The following ME1 variants were observed in gnomAD, a reference collection of about 807,000 sequenced individuals.
ME1 encodes the protein NADP-dependent malic enzyme.
In ME1, 74 loss-of-function variants were observed where a neutral mutation model predicts 66.4. The observed-to-expected ratio is 1.11, with a 90% CI of 0.92 to 1.35. The LOEUF (loss-of-function observed/expected upper bound fraction) is 1.35, where lower values mean the gene tolerates loss of function less well. ME1 is among the 40% of genes most tolerant of loss of function. ME1 has a pLI of 0.00. For missense variants in ME1, 750 were observed against 694.1 expected (o/e 1.08, Z -0.90); for synonymous variants, 251 against 235.6 (o/e 1.07, Z -0.60).
intron 3 of ME1, among the ~76,000 whole-genome samples, chr6:83,352,764 T>C (rs1261335350): frequency 3.3e-5 from 5 of 152,192 alleles, no homozygotes; most frequent in South Asian, 2.1e-4. Flanking sequence ...ACTTCACAAA[T>C]TAAAATAATA....
chr6:83,273,034 G>A (rs375012646), intron 6 of ME1, among the ~76,000 whole-genome samples: 31 of 151,772 alleles, frequency 2.0e-4, no homozygotes, highest in South Asian at 6.3e-4. Context: ...AAAATTAGCC[G>A]GGCATGGTGG....
At chr6:83,255,068 T>C (rs938903558) in intron 6 of ME1, among the ~76,000 whole-genome samples, 5 of 152,158 alleles carry the variant, frequency 3.3e-5, no homozygotes, top group Non-Finnish European at 7.4e-5. Flanking sequence ...CCTTCAATTA[T>C]GTTAATTTAT....
intron 5 of ME1, among the ~76,000 whole-genome samples, chr6:83,334,117 C>T (rs1042378542): frequency 6.6e-5 from 10 of 152,036 alleles, no homozygotes; most frequent in East Asian, 1.9e-4. Flanking sequence ...GTGCACCGTG[C>T]GCGAGCCGAA....
At position 83,210,778 on chromosome 6, in the gene ME1, T is replaced by G. The variant is rs1789857651; in HGVS notation, c.*1146A>C. 6.6e-6 allele frequency: 1 copy of G among 152,240 alleles called. No individual in the cohort carries two copies. The highest frequency in any genetic ancestry group is 2.1e-4 in the South Asian group (1 of 4,834). The allele number at this position is 152,240 out of a possible 1,614,324, so 9.4% of individuals were successfully genotyped here. On this transcript the variant is annotated 3_prime_UTR_variant, in exon 14 of 14. Coordinates refer to ENST00000369705, the MANE Select transcript of ME1 (RefSeq NM_002395.6). ...ACCTTAGCTTTATAATTTAAAATTT[T>G]TTCCATTACTTCAAACATTAGTTTC... is the stretch of plus-strand genomic sequence containing the variant.
intron 9 of ME1, among the ~76,000 whole-genome samples, chr6:83,229,996 AT>A (rs973504285): frequency 1.3e-4 from 20 of 148,170 alleles, no homozygotes; most frequent in African/African-American, 2.0e-4. Flanking sequence ...CTAATTTATC[AT>A]TTTTTTTTAG....
At chr6:83,247,445 T>G (rs114171793) in intron 7 of ME1, among the ~76,000 whole-genome samples, 6 of 152,106 alleles carry the variant, frequency 3.9e-5, no homozygotes, top group African/African-American at 1.2e-4. Flanking sequence ...AAGGTTATTT[T>G]AGATAACTAA....
intron 5 of ME1, among the ~76,000 whole-genome samples, chr6:83,334,102 T>G (rs868387437): frequency 6.0e-4 from 92 of 152,236 alleles, no homozygotes; most frequent in African/African-American, 2.0e-3. Context: ...CAGGCCAGTG[T>G]GTGCGTGCAC....
At chr6:83,424,339 C>T (rs1200214637) in intron 1 of ME1, among the ~76,000 whole-genome samples, 1 of 151,778 alleles carries the variant, frequency 6.6e-6, no homozygotes, top group African/African-American at 2.4e-5. Flanking sequence ...GTACTAAAAA[C>T]AAGCTATACA....
At chr6:83,390,796 TG>T (rs1769605627) in intron 3 of ME1, among the ~76,000 whole-genome samples, 1 of 152,066 alleles carries the variant, frequency 6.6e-6, no homozygotes, top group Non-Finnish European at 1.5e-5. Flanking sequence ...GTAAGCATTT[TG>T]CCACAAATGC....
rs1790758453 is a variant in ME1, at chr6:83,253,609, T to C, written c.814+20A>G. The C allele has an allele frequency of 8.4e-7, 1 of 1,189,790 alleles. No homozygotes were observed. Among genetic ancestry groups the C allele is most frequent in the Non-Finnish European group, 1.3e-6 (1 of 796,162 alleles). 73.7% of individuals were successfully genotyped at this position (1,189,790 alleles called of 1,614,324 possible). A position where few individuals can be genotyped will look rare whatever the true frequency, so the allele number is the denominator to read the frequency against. ...ATTTCAGACATGTTATTGATCCATA[T>C]GCAGTGAAAATTTTGTTACCTTGAA... On this transcript the variant is annotated intron_variant, in intron 7 of 13. Coordinates refer to ENST00000369705, the MANE Select transcript of ME1 (RefSeq NM_002395.6).
Position 83,237,791 on chromosome 6 carries a change from C to T in ME1, c.952G>A (p.Glu318Lys), listed in dbSNP as rs1217675722. The change falls in exon 9 of 14, where the codon GAA (glutamate) becomes AAA (lysine). Residue 318 changes from glutamate (E) to lysine (K), a missense_variant. Transcript: ENST00000369705. ...GIAHLIVMAL[E>K]KEGLPKEKAI... ...TTCTCTTTTGGTAAACCTTCTTTTT[C>T]CAAGGCCATCACAATCAGGTGTGCA... 6.2e-7 allele frequency: 1 copy of T among 1,607,024 alleles called. No individual in the cohort carries two copies. Among genetic ancestry groups the T allele is most frequent in the Non-Finnish European group, 8.5e-7 (1 of 1,176,416 alleles).
intron 13 of ME1, among the ~76,000 whole-genome samples, chr6:83,213,007 C>T (rs1469067425): frequency 2.0e-5 from 3 of 151,138 alleles, no homozygotes; most frequent in Non-Finnish European, 4.4e-5. Flanking sequence ...AAATTAATCA[C>T]TTCATATATA....
intron 9 of ME1, among the ~76,000 whole-genome samples, chr6:83,234,594 T>C (rs1276085435): frequency 6.6e-6 from 1 of 152,182 alleles, no homozygotes; most frequent in Non-Finnish European, 1.5e-5. Context: ...GCCACTTCTA[T>C]TTCCTAAATA....
At chr6:83,227,602 T>A in intron 10 of ME1, 125 bp from the exon 11 acceptor site, 1 of 767,530 alleles carries the variant, frequency 1.3e-6, no homozygotes, top group Non-Finnish European at 1.9e-6. Context: ...AAATGCTATA[T>A]AAACTATTTG....
chr6:83,297,091 T>G (rs547144441), intron 6 of ME1, among the ~76,000 whole-genome samples: 2 of 152,216 alleles, frequency 1.3e-5, no homozygotes, highest in East Asian at 3.9e-4. Context: ...ATTAATAAAC[T>G]TCAATAAACT....
rs752521310 is a variant in ME1 at position 83,216,616 on chromosome 6, A to C, written c.1450-20T>G. The C allele has an allele frequency of 1.9e-6, 3 of 1,540,934 alleles. No homozygotes were observed. The highest frequency in any genetic ancestry group is 2.6e-6 in the Non-Finnish European group (3 of 1,135,670). ...TATAACCTTATGAAAAAAAGAAAGA[A>C]AAAAAGTGTTTATACTTCACACGAT... On this transcript the variant is annotated intron_variant, in intron 12 of 13. Transcript: ENST00000369705.
chr6:83,357,902 C>CCCCTCTCTCTCTCT (rs1554270311), intron 3 of ME1, among the ~76,000 whole-genome samples: 1 of 31,562 alleles, frequency 3.2e-5, no homozygotes, highest in Non-Finnish European at 5.3e-5. Flanking sequence ...AATAAACTCC[C>CCCCTCTCTCTCTCT]CTCTCTCTCT....
intron 1 of ME1, among the ~76,000 whole-genome samples, chr6:83,429,970 T>C (rs1326235189): frequency 6.6e-6 from 1 of 152,050 alleles, no homozygotes; most frequent in Non-Finnish European, 1.5e-5. Flanking sequence ...AACCTGGCTG[T>C]AAAATAAGTG....
At chr6:83,237,263 GAAA>G (rs1790420602) in intron 9 of ME1, among the ~76,000 whole-genome samples, 1 of 84,512 alleles carries the variant, frequency 1.2e-5, no homozygotes, top group Non-Finnish European at 2.3e-5. Context: ...AAGAAAGAAA[GAAA>G]GAAAGAAAGA....
Sources: allele counts gnomAD v4.1 joint callset (sites outside exome capture counted in the v4.1 genomes callset), GRCh38; gene constraint gnomAD v4.1.1; transcripts MANE v1.5; gene names NCBI Gene and HGNC (gene_info 2026-07-23, HGNC 2026-07-21).